The following DNAH7 variants were observed in gnomAD, a reference collection of about 807,000 sequenced individuals.
DNAH7 encodes axonemal beta dynein heavy chain 7.
Under a neutral mutation model 444.6 loss-of-function variants are expected in DNAH7, and 397 were observed. The ratio of observed to expected loss-of-function variants is 0.89; its 90% CI spans 0.82 to 0.97. The LOEUF is 0.97. Ranked by LOEUF, DNAH7 falls within the 50% of genes least tolerant of loss-of-function variation. The pLI is 0.00. For missense variants in DNAH7, 4,902 were observed against 4,800.8 expected (o/e 1.02, Z -0.62); for synonymous variants, 1,636 against 1,624.4 (o/e 1.01, Z -0.17).
intron 18 of DNAH7, among the ~76,000 whole-genome samples, chr2:195,959,300 T>C (rs1222805789): frequency 6.6e-6 from 1 of 152,100 alleles, no homozygotes; most frequent in African/African-American, 2.4e-5. Flanking sequence ...CAAGAAGACC[T>C]GAATGCTTCT....
intron 36 of DNAH7, 56 bp from the exon 37 acceptor site, chr2:195,876,755 G>T: frequency 8.2e-7 from 1 of 1,223,144 alleles, no homozygotes; most frequent in Non-Finnish European, 1.2e-6. Flanking sequence ...TGACATTTCA[G>T]AATAAACACT....
chr2:195,919,592 A>C (rs1687898352), intron 24 of DNAH7, among the ~76,000 whole-genome samples: 1 of 152,108 alleles, frequency 6.6e-6, no homozygotes, highest in Non-Finnish European at 1.5e-5. Context: ...TGATCCATCC[A>C]CCTCATCCTC....
At chr2:195,876,322 G>A (rs892688527) in intron 37 of DNAH7, among the ~76,000 whole-genome samples, 10 of 152,138 alleles carry the variant, frequency 6.6e-5, no homozygotes, top group African/African-American at 2.4e-4. Context: ...TTTCTCAGAT[G>A]AATATTCTAC....
At chr2:195,900,131 C>T in intron 28 of DNAH7, 151 bp downstream of exon 28, 1 of 757,350 alleles carries the variant, frequency 1.3e-6, no homozygotes, top group East Asian at 2.7e-5. Flanking sequence ...AAATTTTTTT[C>T]ATGTGTACAA....
intron 59 of DNAH7, among the ~76,000 whole-genome samples, chr2:195,777,149 C>T (rs1695100876): frequency 6.6e-6 from 1 of 152,014 alleles, no homozygotes; most frequent in Non-Finnish European, 1.5e-5. Flanking sequence ...CAATATATGC[C>T]CTTTGACTTC....
chr2:195,769,800 T>C (rs1241797471), intron 61 of DNAH7, among the ~76,000 whole-genome samples: 1 of 152,236 alleles, frequency 6.6e-6, no homozygotes, highest in East Asian at 1.9e-4. Context: ...TCATCAGTAC[T>C]ACCAAAATAT....
rs71015726 is a variant in DNAH7 at position 195,737,858 on chromosome 2, A to AAAT, written c.*60_*62dup. The AAAT allele has an allele frequency of 0.55, 832,585 of 1,502,546 alleles. 238,147 individuals carry two copies. Among genetic ancestry groups the AAAT allele is most frequent in the Non-Finnish European group, 0.59 (649,817 of 1,093,812 alleles). 93.1% of individuals were successfully genotyped at this position (1,502,546 alleles called of 1,614,324 possible). A position where few individuals can be genotyped will look rare whatever the true frequency, so the allele number is the denominator to read the frequency against. ...AACAAAAAAAAAGGTTTAAGTAGTAAAATATGCTTTCTCTACTCAGCCAGC... is the reference window on the plus strand; with the variant it reads ...AACAAAAAAAAAGGTTTAAGTAGTAAAATAATATGCTTTCTCTACTCAGCCAGC... On this transcript the variant is annotated 3_prime_UTR_variant, in exon 65 of 65. Transcript: ENST00000312428.
chr2:195,829,294 G>T (rs1054586288), intron 48 of DNAH7, among the ~76,000 whole-genome samples: 1 of 151,864 alleles, frequency 6.6e-6, no homozygotes. Flanking sequence ...TCTAGATGAG[G>T]TATATTGTTT....
intron 12 of DNAH7, among the ~76,000 whole-genome samples, chr2:195,997,296 A>G (rs1574980219): frequency 6.6e-6 from 1 of 152,226 alleles, no homozygotes; most frequent in Middle Eastern, 3.4e-3. Context: ...GCAGATCATG[A>G]GGTCAAGAGA....
At chr2:195,800,561 T>A (rs1696396709) in intron 54 of DNAH7, among the ~76,000 whole-genome samples, 1 of 152,196 alleles carries the variant, frequency 6.6e-6, no homozygotes, top group Admixed American at 6.5e-5. Flanking sequence ...AAATGCTATA[T>A]TAGTAACATG....
chr2:195,881,821 C>T lies in DNAH7; in HGVS notation c.5935G>A (p.Gly1979Arg), dbSNP rs1230563836. Residue 1979 changes from glycine (G) to arginine (R), a missense_variant, in exon 36 of 65, where the codon GGA becomes AGA. Coordinates refer to ENST00000312428, the MANE Select transcript of DNAH7 (RefSeq NM_018897.3). ...GTAATGTAAACACTTTTCCCAGTTC[C>T]TGTTGGTCCTACAAATATTGAAGGC... is the stretch of plus-strand genomic sequence containing the variant. ...QKPSIFVGPT[G>R]TGKSVYITNF... The T allele has an allele frequency of 6.2e-7, 1 of 1,614,020 alleles. No homozygotes were observed. The highest frequency in any genetic ancestry group is 1.3e-5 in the African/African-American group (1 of 75,048).
chr2:196,005,558 G>T (rs1009160745), intron 10 of DNAH7, among the ~76,000 whole-genome samples: 4 of 151,734 alleles, frequency 2.6e-5, no homozygotes, highest in African/African-American at 4.8e-5. Context: ...GAAATACAAA[G>T]AATTAAAAGG....
chr2:196,035,518 T>C (rs900061584), intron 5 of DNAH7, among the ~76,000 whole-genome samples: 2 of 152,094 alleles, frequency 1.3e-5, no homozygotes, highest in Admixed American at 6.5e-5. Flanking sequence ...CAAGGATGAT[T>C]GTATGAAGTA....
intron 10 of DNAH7, among the ~76,000 whole-genome samples, chr2:196,010,151 CTTTT>C (rs369388805): frequency 6.9e-6 from 1 of 145,134 alleles, no homozygotes; most frequent in Non-Finnish European, 1.5e-5. Context: ...CTTTCTCTCT[CTTTT>C]TTTTTTTTTC....
At chr2:195,996,507 C>T (rs934295764) in intron 12 of DNAH7, among the ~76,000 whole-genome samples, 1 of 151,284 alleles carries the variant, frequency 6.6e-6, no homozygotes, top group Admixed American at 6.6e-5. Flanking sequence ...CTCACTGCAA[C>T]CTCTGCCTCC....
At chr2:195,883,422 T>C (rs1476720651) in intron 35 of DNAH7, among the ~76,000 whole-genome samples, 1 of 150,298 alleles carries the variant, frequency 6.7e-6, no homozygotes, top group African/African-American at 2.5e-5. Flanking sequence ...CACTCCAACC[T>C]GGACAACACA....
intron 63 of DNAH7, among the ~76,000 whole-genome samples, chr2:195,745,677 C>T (rs1268783428): frequency 6.6e-6 from 1 of 152,232 alleles, no homozygotes; most frequent in Non-Finnish European, 1.5e-5. Context: ...CTCTACAAGC[C>T]AGAAGAGAGT....
chr2:196,047,126 A>T (rs1457824334), intron 5 of DNAH7, among the ~76,000 whole-genome samples: 2 of 152,196 alleles, frequency 1.3e-5, no homozygotes, highest in African/African-American at 4.8e-5. Context: ...AATTCAGCCA[A>T]CATTAAGTAT....
chr2:195,834,343 G>A lies in DNAH7; in HGVS notation c.8963C>T (p.Pro2988Leu). ...GIIIMNARRW[P>L]LMIDPQSQAN... ...CTGACTTTGAGGATCTATCATCAGA[G>A]GCCACCTTCTTGCATTCCTGAAAAG... is the stretch of plus-strand genomic sequence containing the variant. Residue 2988 changes from proline to leucine, a missense_variant, in exon 48 of 65, where the codon CCT becomes CTT. By Grantham distance (98) the Pro-to-Leu change is moderately conservative. Transcript: ENST00000312428. 1 of 1,595,060 alleles carries A rather than the reference G, an allele frequency of 6.3e-7. No individual in the cohort carries two copies. The highest frequency in any genetic ancestry group is 1.1e-5 in the South Asian group (1 of 89,148).
Sources: allele counts gnomAD v4.1 joint callset (sites outside exome capture counted in the v4.1 genomes callset), GRCh38; gene constraint gnomAD v4.1.1; transcripts MANE v1.5; gene names NCBI Gene and HGNC (gene_info 2026-07-23, HGNC 2026-07-21).